The following MAP2 variants were observed in gnomAD, a reference collection of about 807,000 sequenced individuals.
MAP2 encodes the protein microtubule associated protein 2.
In MAP2, 14 loss-of-function variants were observed where a neutral mutation model predicts 137.6. The observed-to-expected ratio is 0.10, with a 90% CI of 0.07 to 0.16. The LOEUF is 0.16. MAP2 is among the 10% of genes least tolerant of loss of function. MAP2 has a pLI of 1.00. For missense variants in MAP2, 2,088 were observed against 2,191.5 expected, an observed-to-expected ratio of 0.95 and a Z score of 0.94; for synonymous variants, 786 against 782.3, an observed-to-expected ratio of 1.00 and a Z score of -0.08.
intron 1 of MAP2, among the ~76,000 whole-genome samples, chr2:209,500,216 C>T (rs1040589212): frequency 1.6e-4 from 25 of 152,104 alleles, no homozygotes; most frequent in Admixed American, 7.2e-4. Flanking sequence ...TTCAGTGGTC[C>T]ACTTTCACCT....
chr2:209,485,915 G>A (rs6435531), intron 1 of MAP2, among the ~76,000 whole-genome samples: 81,183 of 152,020 alleles, frequency 0.53, 22,527 homozygotes, highest in Middle Eastern at 0.63. Flanking sequence ...CTTTCTTGCT[G>A]TGATAAATGT....
At chr2:209,728,504 T>A (rs982706136) in intron 14 of MAP2, among the ~76,000 whole-genome samples, 4 of 152,214 alleles carry the variant, frequency 2.6e-5, no homozygotes, top group African/African-American at 9.6e-5. Flanking sequence ...AACGAATGGA[T>A]GTTTCTCCAA....
chr2:209,704,509 C>T (rs2062780120), intron 11 of MAP2: 9 of 1,612,972 alleles, frequency 5.6e-6, no homozygotes, highest in Admixed American at 1.7e-5. Flanking sequence ...CAAGATACAG[C>T]TCAGCCTGCC....
intron 5 of MAP2, among the ~76,000 whole-genome samples, chr2:209,667,786 T>C (rs1266368528): frequency 1.3e-5 from 2 of 151,948 alleles, no homozygotes; most frequent in South Asian, 2.1e-4. Context: ...AGACCAAGTA[T>C]GTTGTATGGG....
At position 209,692,815 on chromosome 2, in the gene MAP2, C is replaced by T; in HGVS notation, c.645C>T (p.Gly215=). Residue 215 remains glycine, a synonymous_variant, in exon 8 of 16, where the codon GGC becomes GGT. Coordinates refer to ENST00000682079, the MANE Select transcript of MAP2 (RefSeq NM_001375505.1). ...KTYPDKKDMQ[G]TEEEKAPLAL... Reference sequence around the variant, plus strand: ...ACCCTGATAAAAAGGACATGCAAGGCACGGAAGAAGAAAAAGCACCCCTAG... The same window carrying T: ...ACCCTGATAAAAAGGACATGCAAGGTACGGAAGAAGAAAAAGCACCCCTAG... 1 of 1,612,938 alleles carries T rather than the reference C, an allele frequency of 6.2e-7. No homozygotes were observed. The highest frequency in any genetic ancestry group is 8.5e-7 in the Non-Finnish European group (1 of 1,179,692).
chr2:209,485,183 A>G (rs1341786986), intron 1 of MAP2, among the ~76,000 whole-genome samples: 2 of 152,332 alleles, frequency 1.3e-5, no homozygotes, highest in African/African-American at 4.8e-5. Flanking sequence ...GACTGTCTTC[A>G]TGTGAGTCAC....
chr2:209,519,207 G>T (rs1272100222), intron 2 of MAP2, among the ~76,000 whole-genome samples: 1 of 151,952 alleles, frequency 6.6e-6, no homozygotes, highest in Non-Finnish European at 1.5e-5. Flanking sequence ...AAAACCAAAA[G>T]AAATCTCACT....
In MAP2 at chr2:209,579,282, C is replaced by T. The variant is rs78938849; in HGVS notation, c.-171-754C>T. ...GTGTGTGTGTGTGCGTGCGTGCGTG[C>T]GTGTGTGTGTGTGTGTCTGGCATTA... On this transcript the variant is annotated intron_variant, in intron 2 of 15. Transcript: ENST00000682079. 1,128 of 149,828 alleles carry T rather than the reference C, an allele frequency of 7.5e-3. 12 individuals carry two copies. The highest frequency in any genetic ancestry group is 8.8e-3 in the Non-Finnish European group (590 of 67,424). The allele number at this position is 149,828 out of a possible 1,614,324, so 9.3% of individuals were successfully genotyped here. A position where few individuals can be genotyped will look rare whatever the true frequency, so the allele number is the denominator to read the frequency against.
chr2:209,574,256 G>C (rs2074928346), intron 2 of MAP2, among the ~76,000 whole-genome samples: 1 of 152,076 alleles, frequency 6.6e-6, no homozygotes, highest in Admixed American at 6.5e-5. Flanking sequence ...TTTGTTCACT[G>C]TCTGTATCAT....
At chr2:209,592,730 G>A (rs544772348) in intron 3 of MAP2, among the ~76,000 whole-genome samples, 136 of 152,218 alleles carry the variant, frequency 8.9e-4, no homozygotes, top group African/African-American at 2.6e-3. Flanking sequence ...GTGTGATTTG[G>A]AAATGATGTG....
At chr2:209,522,394 G>T (rs986561351) in intron 2 of MAP2, among the ~76,000 whole-genome samples, 1 of 152,126 alleles carries the variant, frequency 6.6e-6, no homozygotes, top group Non-Finnish European at 1.5e-5. Context: ...AGTCTTGCAG[G>T]TTGGGATAAG....
chr2:209,676,723 A>G (rs2051763564), intron 5 of MAP2, among the ~76,000 whole-genome samples: 1 of 1,756 alleles, frequency 5.7e-4, no homozygotes, highest in Admixed American at 8.1e-3. Context: ...CAAAGGTCAT[A>G]TATATATATA....
rs183216985 is a variant in MAP2 at position 209,510,968 on chromosome 2, T to C, written c.-172+3327T>C. On this transcript the variant is annotated intron_variant, in intron 2 of 15. Transcript: ENST00000682079. ...CAAGGGAGACATTCTTTAATAGAGT[T>C]CTCAAGTTTACTTACAGTGGAGGTA... is the stretch of plus-strand genomic sequence containing the variant. 4.2e-3 allele frequency among the ~76,000 whole-genome samples: 643 copies of C among 152,164 alleles called. 2 individuals are homozygous for C. The highest frequency in any genetic ancestry group is 6.8e-3 in the Non-Finnish European group (461 of 67,974).
At chr2:209,433,431 C>A (rs189829232) in intron 1 of MAP2, among the ~76,000 whole-genome samples, 3 of 151,978 alleles carry the variant, frequency 2.0e-5, no homozygotes, top group Middle Eastern at 3.2e-3. Context: ...CCAACAGACA[C>A]GGTAGAGGAT....
At chr2:209,593,619 C>CA (rs781329429) in intron 3 of MAP2, among the ~76,000 whole-genome samples, 124 of 2,914 alleles carry the variant, frequency 0.043, 26 homozygotes, top group South Asian at 0.075. Context: ...CCTGTCTCTA[C>CA]AAAAAAAAAA....
intron 11 of MAP2, among the ~76,000 whole-genome samples, chr2:209,705,030 C>T (rs1392861667): frequency 6.6e-6 from 1 of 151,766 alleles, no homozygotes; most frequent in Non-Finnish European, 1.5e-5. Flanking sequence ...TTAATACTAT[C>T]TCTGACACCT....
At chr2:209,707,316 A>G (rs562861707) in intron 12 of MAP2, among the ~76,000 whole-genome samples, 67 of 152,294 alleles carry the variant, frequency 4.4e-4, no homozygotes, top group Admixed American at 1.0e-3. Flanking sequence ...ATTATTTGAT[A>G]GTGAACATAA....
At chr2:209,488,045 C>T (rs1273249094) in intron 1 of MAP2, among the ~76,000 whole-genome samples, 2 of 152,168 alleles carry the variant, frequency 1.3e-5, no homozygotes, top group African/African-American at 2.4e-5. Flanking sequence ...CTCAGAGAGA[C>T]CAGCGCAGAA....
At chr2:209,498,297 C>A (rs1206280521) in intron 1 of MAP2, among the ~76,000 whole-genome samples, 1 of 152,210 alleles carries the variant, frequency 6.6e-6, no homozygotes, top group East Asian at 1.9e-4. Flanking sequence ...TGAGGGGGCT[C>A]CTAAGGCCTT....
Sources: allele counts gnomAD v4.1 joint callset (sites outside exome capture counted in the v4.1 genomes callset), GRCh38; gene constraint gnomAD v4.1.1; transcripts MANE v1.5; gene names NCBI Gene and HGNC (gene_info 2026-07-23, HGNC 2026-07-21).